ESRRG: variants seen among roughly 807,000 people sequenced by gnomAD.
ESRRG encodes the protein estrogen-related receptor gamma.
ESRRG carries 13 observed loss-of-function variants against 44.0 expected under a neutral mutation model. The ratio of observed to expected loss-of-function variants is 0.30; its 90% CI spans 0.19 to 0.47. The LOEUF (loss-of-function observed/expected upper bound fraction) is 0.47, where lower values mean the gene tolerates loss of function less well. ESRRG is among the 20% of genes least tolerant of loss of function. The pLI, the probability that ESRRG is intolerant of heterozygous loss-of-function variation, is 1.00. For synonymous variants in ESRRG, 215 were observed against 214.6 expected (o/e 1.00, Z -0.02); for missense variants, 395 against 580.6 (o/e 0.68, Z 3.29).
intron 3 of ESRRG, among the ~76,000 whole-genome samples, chr1:216,580,689 G>T (rs1003659686): frequency 6.6e-6 from 1 of 152,140 alleles, no homozygotes; most frequent in Non-Finnish European, 1.5e-5. Flanking sequence ...CTCTCTTCCA[G>T]TTCTAAAAGT....
chr1:216,511,777 A>G (rs1302227158), intron 6 of ESRRG, among the ~76,000 whole-genome samples: 1 of 152,240 alleles, frequency 6.6e-6, no homozygotes. Context: ...TAGAACTACG[A>G]GGTATTCAAA....
chr1:217,093,717 A>G (rs1274904519), upstream of ESRRG, among the ~76,000 whole-genome samples: 1 of 151,846 alleles, frequency 6.6e-6, no homozygotes, highest in Non-Finnish European at 1.5e-5. Context: ...CCCGAAGTCA[A>G]GGCTACAGTA....
intron 2 of ESRRG, among the ~76,000 whole-genome samples, chr1:216,809,317 T>C (rs1459603274): frequency 8.3e-6 from 1 of 119,990 alleles, no homozygotes; most frequent in Non-Finnish European, 1.8e-5. Flanking sequence ...CTGACTGCTT[T>C]TTTACAGTAA....
Position 216,887,718 on chromosome 1 carries a change from T to G in ESRRG, c.-14+51864A>C, listed in dbSNP as rs2043670. Among the ~76,000 whole-genome samples, 3 of 152,046 alleles carry G rather than the reference T, an allele frequency of 2.0e-5. No individual in the cohort carries two copies. In the South Asian group the frequency reaches 6.2e-4, roughly 32 times the overall value. On this transcript the variant is annotated intron_variant, in intron 2 of 7. Coordinates refer to the ESRRG transcript ENST00000359162. ...CACTTCCTCTGAATGGCTTGTTTTC[T>G]CTCTCTGAAAAACTACAAGGTACTC...
intron 2 of ESRRG, among the ~76,000 whole-genome samples, chr1:216,831,303 C>T (rs943040664): frequency 2.0e-5 from 3 of 152,048 alleles, no homozygotes; most frequent in African/African-American, 7.2e-5. Context: ...CACCTTATTG[C>T]AAATTATGCA....
intron 5 of ESRRG, among the ~76,000 whole-genome samples, chr1:216,529,707 AT>A (rs2048719926): frequency 6.6e-6 from 1 of 152,180 alleles, no homozygotes; most frequent in Non-Finnish European, 1.5e-5. Context: ...TATAAAATGA[AT>A]TTTTATGAAT....
At chr1:216,923,412 G>A (rs919822996) in intron 2 of ESRRG, among the ~76,000 whole-genome samples, 2 of 152,010 alleles carry the variant, frequency 1.3e-5, no homozygotes, top group Admixed American at 6.6e-5. Flanking sequence ...CACAGAGACT[G>A]TGTCATTCGT....
chr1:216,603,740 C>T (rs1320885989), intron 3 of ESRRG, among the ~76,000 whole-genome samples: 4 of 151,958 alleles, frequency 2.6e-5, no homozygotes, highest in African/African-American at 9.7e-5. Flanking sequence ...ACCAGCCTGG[C>T]CAACATGGGG....
At chr1:217,021,599 T>A (rs2080337713) in intron 1 of ESRRG, among the ~76,000 whole-genome samples, 1 of 152,188 alleles carries the variant, frequency 6.6e-6, no homozygotes. Flanking sequence ...CACCTCTCCA[T>A]GACTCCATTC....
chr1:217,089,773 G>A (rs2092301421), upstream of ESRRG: 1 of 152,042 alleles, frequency 6.6e-6, no homozygotes, highest in Admixed American at 6.6e-5. Context: ...CGTCCCGAGC[G>A]GCTGTGCACT....
chr1:217,013,116 C>T (rs1218187921), intron 1 of ESRRG, among the ~76,000 whole-genome samples: 1 of 152,210 alleles, frequency 6.6e-6, no homozygotes, highest in South Asian at 2.1e-4. Flanking sequence ...ATCATTTGAA[C>T]TTGATTACCT....
chr1:216,934,111 GT>G (rs1387588943), intron 2 of ESRRG, among the ~76,000 whole-genome samples: 1 of 152,124 alleles, frequency 6.6e-6, no homozygotes, highest in Non-Finnish European at 1.5e-5. Context: ...TGATATTTGT[GT>G]ATTAGTCTGT....
chr1:216,653,808 C>A (rs2069638646), intron 2 of ESRRG, among the ~76,000 whole-genome samples: 1 of 152,038 alleles, frequency 6.6e-6, no homozygotes, highest in South Asian at 2.1e-4. Flanking sequence ...ATGGACATTT[C>A]TAATGCAGTA....
At chr1:217,094,090 G>A (rs1010316278), upstream of ESRRG, among the ~76,000 whole-genome samples, 2 of 151,876 alleles carry the variant, frequency 1.3e-5, no homozygotes, top group African/African-American at 4.8e-5. Context: ...TCGCTATGTT[G>A]TCCAGGCTGG....
rs568766312 is a variant in ESRRG, at chr1:216,915,326, C to T, written c.-14+24256G>A. On this transcript the variant is annotated intron_variant, in intron 2 of 7. Coordinates refer to the ESRRG transcript ENST00000359162. The stretch of plus-strand genomic sequence containing the variant: ...GCCCAAGAGCCAGGTGGTCCCTCAC[C>T]CTCGCATCTGTTGGTTGGCATGAAG... Among the ~76,000 whole-genome samples, 3 of 152,234 alleles carry T rather than the reference C, an allele frequency of 2.0e-5. No homozygotes were observed. The South Asian group carries it at 6.2e-4, about 32-fold the overall frequency.
At chr1:217,040,263 G>A (rs2083607049) in intron 1 of ESRRG, among the ~76,000 whole-genome samples, 1 of 152,114 alleles carries the variant, frequency 6.6e-6, no homozygotes, top group South Asian at 2.1e-4. Flanking sequence ...GAAGAAAAAA[G>A]TCACTAGGCT....
chr1:216,991,718 A>G (rs1288420294), intron 1 of ESRRG, among the ~76,000 whole-genome samples: 2 of 151,640 alleles, frequency 1.3e-5, no homozygotes, highest in Non-Finnish European at 1.5e-5. Flanking sequence ...AACAAGAAAC[A>G]GGAAAGGGAG....
At chr1:217,037,368 G>T (rs1431852824) in intron 1 of ESRRG, among the ~76,000 whole-genome samples, 3 of 152,182 alleles carry the variant, frequency 2.0e-5, no homozygotes, top group African/African-American at 7.2e-5. Context: ...CAATTATGGT[G>T]GAGGGCAAGG....
chr1:217,129,468 T>A (rs1371194407), intron 1 of ESRRG, among the ~76,000 whole-genome samples: 1 of 152,208 alleles, frequency 6.6e-6, no homozygotes, highest in African/African-American at 2.4e-5. Context: ...AGAAAACATA[T>A]GTTTAAACAA....
Sources: gnomAD v4.1 joint callset for allele counts (sites outside exome capture counted in the v4.1 genomes callset) on GRCh38, gnomAD v4.1.1 for gene constraint, MANE v1.5 for transcripts, NCBI Gene and HGNC (gene_info 2026-07-23, HGNC 2026-07-21) for gene names.